The following CHN2 variants were observed in gnomAD, a reference collection of about 807,000 sequenced individuals.
The protein encoded by CHN2 is chimerin 2.
CHN2 carries 35 observed loss-of-function variants against 56.3 expected under a neutral mutation model. The ratio of observed to expected loss-of-function variants is 0.62; its 90% CI spans 0.47 to 0.82. The LOEUF is 0.82. CHN2 is among the 40% of genes least tolerant of loss of function. CHN2 has a pLI of 0.00. For missense variants in CHN2, 491 were observed against 580.5 expected (o/e 0.85, Z 1.58); for synonymous variants, 210 against 212.8 (o/e 0.99, Z 0.12).
At chr7:29,199,179 T>C (rs940948505) in intron 1 of CHN2, among the ~76,000 whole-genome samples, 1 of 152,242 alleles carries the variant, frequency 6.6e-6, no homozygotes, top group African/African-American at 2.4e-5. Context: ...GGAATTTTCA[T>C]TACTCATTAT....
chr7:29,403,261 C>T (rs900518285), intron 6 of CHN2, among the ~76,000 whole-genome samples: 1 of 133,996 alleles, frequency 7.5e-6, no homozygotes, highest in South Asian at 2.3e-4. Flanking sequence ...TGGTCCATTG[C>T]GATGGAGTCA....
At chr7:29,503,616 T>C (rs1790216626) in intron 9 of CHN2, among the ~76,000 whole-genome samples, 1 of 152,196 alleles carries the variant, frequency 6.6e-6, no homozygotes, top group Admixed American at 6.5e-5. Context: ...GTATCTGTCA[T>C]GGTCACAGGA....
intron 6 of CHN2, among the ~76,000 whole-genome samples, chr7:29,414,445 C>A (rs1166454916): frequency 1.3e-5 from 2 of 152,132 alleles, no homozygotes; most frequent in Non-Finnish European, 2.9e-5. Flanking sequence ...TTCAGTTTGT[C>A]ACCTTCTTCC....
intron 1 of CHN2, among the ~76,000 whole-genome samples, chr7:29,228,409 C>T (rs544862093): frequency 3.3e-5 from 5 of 152,162 alleles, no homozygotes; most frequent in Non-Finnish European, 7.3e-5. Flanking sequence ...AGGTTTGTAG[C>T]CTAGGAGCAA....
chr7:29,330,010 G>A (rs1490134205), intron 1 of CHN2, among the ~76,000 whole-genome samples: 6 of 152,122 alleles, frequency 3.9e-5, no homozygotes, highest in African/African-American at 1.2e-4. Flanking sequence ...CTCTAACCTG[G>A]CCAGACTATA....
intron 1 of CHN2, among the ~76,000 whole-genome samples, chr7:29,268,686 C>T (rs1790363281): frequency 1.3e-5 from 2 of 152,198 alleles, no homozygotes; most frequent in South Asian, 4.1e-4. Context: ...CAGAAGGCAA[C>T]ACAACAGCTG....
At position 29,480,352 on chromosome 7, in the gene CHN2, T is replaced by G. The variant is rs748568477; in HGVS notation, c.650T>G (p.Phe217Cys). Reference protein sequence around the residue: ...NHFNYEKTHNFKVHTFRGPHW... With the variant: ...NHFNYEKTHNCKVHTFRGPHW... ...TTCAATTATGAGAAGACACACAACT[T>G]TAAGGTAAGCAAGCCTCTGCATTCC... The change falls in exon 7 of 13, where the codon TTT becomes TGT. Residue 217 changes from phenylalanine (F) to cysteine (C), a missense_variant. Physicochemically the swap from Phe to Cys is radical, Grantham distance 205. Coordinates refer to ENST00000222792, the MANE Select transcript of CHN2 (RefSeq NM_004067.4). 1.2e-6 allele frequency: 2 copies of G among 1,614,072 alleles called. No homozygotes were observed. The highest frequency in any genetic ancestry group is 1.7e-6 in the Non-Finnish European group (2 of 1,179,946).
chr7:29,258,910 A>G (rs952688195), intron 1 of CHN2, among the ~76,000 whole-genome samples: 3 of 151,956 alleles, frequency 2.0e-5, no homozygotes, highest in African/African-American at 7.2e-5. Context: ...GTATTAGGTT[A>G]TTGCCTGTGC....
chr7:29,471,357 A>C (rs1374482658), intron 6 of CHN2, among the ~76,000 whole-genome samples: 2 of 152,222 alleles, frequency 1.3e-5, no homozygotes, highest in Non-Finnish European at 2.9e-5. Context: ...CTATATCTAA[A>C]AAGTCTGTGA....
intron 1 of CHN2, among the ~76,000 whole-genome samples, chr7:29,264,603 C>A (rs1458896471): frequency 6.6e-6 from 1 of 152,028 alleles, no homozygotes; most frequent in African/African-American, 2.4e-5. Flanking sequence ...TGAACAGATG[C>A]TTGAAGGCAG....
At chr7:29,424,698 T>TA (rs1394395913) in intron 6 of CHN2, among the ~76,000 whole-genome samples, 107 of 152,216 alleles carry the variant, frequency 7.0e-4, no homozygotes, top group African/African-American at 2.3e-3. Flanking sequence ...TTCTCTTTTT[T>TA]AAAAAAAATC....
chr7:29,190,948 T>TC (rs1279953992), upstream of CHN2, among the ~76,000 whole-genome samples: 1 of 151,870 alleles, frequency 6.6e-6, no homozygotes, highest in African/African-American at 2.4e-5. Flanking sequence ...TTTTTTTTTT[T>TC]CCCTGAGACA....
chr7:29,289,760 A>G (rs941759726), intron 1 of CHN2, among the ~76,000 whole-genome samples: 3 of 152,210 alleles, frequency 2.0e-5, no homozygotes, highest in African/African-American at 7.2e-5. Context: ...TCAACGCCGC[A>G]CTGTTTTGCT....
intron 1 of CHN2, among the ~76,000 whole-genome samples, chr7:29,340,420 A>T (rs1476474998): frequency 1.3e-5 from 2 of 152,116 alleles, no homozygotes; most frequent in African/African-American, 4.8e-5. Flanking sequence ...CTCAATATTT[A>T]GCAGCCCTGA....
At chr7:29,418,027 G>C (rs1362368360) in intron 6 of CHN2, among the ~76,000 whole-genome samples, 1 of 152,198 alleles carries the variant, frequency 6.6e-6, no homozygotes, top group Non-Finnish European at 1.5e-5. Flanking sequence ...TAACTCAGGT[G>C]CCAGAAATCC....
chr7:29,152,299 G>C (rs770978256), intron 2 of CHN2, among the ~76,000 whole-genome samples: 20 of 152,212 alleles, frequency 1.3e-4, no homozygotes, highest in Non-Finnish European at 2.4e-4. Flanking sequence ...TGGGTTAACT[G>C]CTATGGATTT....
At chr7:29,219,843 A>G (rs1349679929) in intron 1 of CHN2, among the ~76,000 whole-genome samples, 1 of 152,186 alleles carries the variant, frequency 6.6e-6, no homozygotes, top group African/African-American at 2.4e-5. Context: ...TTAGGAGGCG[A>G]GGTGGGCGGA....
At chr7:29,326,973 A>G (rs1384864552) in intron 1 of CHN2, among the ~76,000 whole-genome samples, 1 of 152,210 alleles carries the variant, frequency 6.6e-6, no homozygotes, top group African/African-American at 2.4e-5. Context: ...CAAGTATAGC[A>G]ATGGAAGTAC....
chr7:29,341,409 T>G (rs897783495), intron 1 of CHN2, among the ~76,000 whole-genome samples: 1 of 152,302 alleles, frequency 6.6e-6, no homozygotes, highest in African/African-American at 2.4e-5. Context: ...TGGTGCCAGT[T>G]GCGAGAAATG....
Sources: gnomAD v4.1 joint callset for allele counts (sites outside exome capture counted in the v4.1 genomes callset) on GRCh38, gnomAD v4.1.1 for gene constraint, MANE v1.5 for transcripts, NCBI Gene and HGNC (gene_info 2026-07-23, HGNC 2026-07-21) for gene names.